The following SNX2 variants were observed in gnomAD, a reference collection of about 807,000 sequenced individuals.
SNX2 encodes the protein sorting nexin-2.
Under a neutral mutation model 69.9 loss-of-function variants are expected in SNX2, and 25 were observed. The observed-to-expected ratio is 0.36, with a 90% CI of 0.26 to 0.50. The LOEUF (loss-of-function observed/expected upper bound fraction) is 0.50, where lower values mean the gene tolerates loss of function less well. SNX2 is among the 20% of genes least tolerant of loss of function. The pLI is 0.97. For synonymous variants in SNX2, 229 were observed against 200.4 expected (o/e 1.14, Z -1.20); for missense variants, 551 against 613.3 (o/e 0.90, Z 1.07).
intron 7 of SNX2, among the ~76,000 whole-genome samples, chr5:122,814,780 C>G (rs1262750838): frequency 1.6e-5 from 1 of 63,128 alleles, no homozygotes; most frequent in African/African-American, 8.7e-5. Context: ...GACGGAGTTT[C>G]ACTCTGTCAC....
In SNX2 at chr5:122,779,662, C is replaced by A. The variant is rs191981819; in HGVS notation, c.108+4451C>A. On this transcript the variant is annotated intron_variant, in intron 1 of 14. Coordinates refer to ENST00000379516, the MANE Select transcript of SNX2 (RefSeq NM_003100.4). ...GGAATTGCTGGGTTATGTGGTAACT[C>A]CATGTTTAATCATTTGAAGAGTTGC... Among the ~76,000 whole-genome samples, 54 of 152,274 alleles carry A rather than the reference C, an allele frequency of 3.5e-4. 1 individual carries two copies. Among genetic ancestry groups the A allele is most frequent in the African/African-American group, 1.3e-3 (52 of 41,546 alleles).
rs992440703 is a variant in SNX2 at position 122,799,657 on chromosome 5, A to C, written c.227-35A>C. The C allele has an allele frequency of 1.5e-5, 24 of 1,556,484 alleles. 1 individual carries two copies. The Middle Eastern group carries it at 6.8e-4, about 44-fold the overall frequency. ...GTAGAATATTGGGGGTTTGCTTGCC[A>C]GTGTTCTTAACTAACTTGTTTAATC... On this transcript the variant is annotated intron_variant, in intron 2 of 14. Transcript: ENST00000379516.
At chr5:122,780,571 C>CTTTTTTTTTT (rs761877253) in intron 1 of SNX2, among the ~76,000 whole-genome samples, 2 of 133,328 alleles carry the variant, frequency 1.5e-5, no homozygotes, top group Admixed American at 7.3e-5. Context: ...CTTTTCTTTT[C>CTTTTTTTTTT]TTTTCTTTTT....
chr5:122,829,264 G>A (rs1010922215), intron 14 of SNX2, among the ~76,000 whole-genome samples: 1 of 152,048 alleles, frequency 6.6e-6, no homozygotes, highest in Non-Finnish European at 1.5e-5. Flanking sequence ...GAGTGCAGTG[G>A]TGTGATCTTG....
At chr5:122,789,400 C>G (rs1753166917) in intron 1 of SNX2, among the ~76,000 whole-genome samples, 1 of 151,650 alleles carries the variant, frequency 6.6e-6, no homozygotes, top group African/African-American at 2.4e-5. Flanking sequence ...CCACATTCTT[C>G]AGTTTACAAG....
In SNX2 at chr5:122,818,821, T is replaced by A; in HGVS notation, c.1010T>A (p.Leu337His). ...CATACTTTTTTTTAAATTTCAGAACTTTCAGCCAACACAGCTGCCTTTGCT... is the reference window on the plus strand; with the variant it reads ...CATACTTTTTTTTAAATTTCAGAACATTCAGCCAACACAGCTGCCTTTGCT... The part of the protein sequence containing the change: ...VEALVCHRKE[L>H]SANTAAFAKS... The change falls in exon 11 of 15, where the codon CTT becomes CAT. Residue 337 changes from leucine to histidine, a missense_variant. By Grantham distance (99) the Leu-to-His change is moderately conservative. Coordinates refer to ENST00000379516, the MANE Select transcript of SNX2 (RefSeq NM_003100.4). 2 of 1,610,302 alleles carry A rather than the reference T, an allele frequency of 1.2e-6. No individual in the cohort carries two copies. Among genetic ancestry groups the A allele is most frequent in the Non-Finnish European group, 1.7e-6 (2 of 1,178,784 alleles).
chr5:122,805,290 CA>C (rs767897080), intron 6 of SNX2, among the ~76,000 whole-genome samples: 2,592 of 88,224 alleles, frequency 0.029, 17 homozygotes, highest in Middle Eastern at 0.052. Flanking sequence ...GACTCCATCT[CA>C]AAAAAAAAAA....
intron 6 of SNX2, among the ~76,000 whole-genome samples, chr5:122,804,099 TG>T (rs1753578364): frequency 6.6e-6 from 1 of 151,596 alleles, no homozygotes. Context: ...AGATCACGCC[TG>T]GGCAACAGAG....
chr5:122,823,165 C>G (rs1754061815), intron 11 of SNX2, among the ~76,000 whole-genome samples: 1 of 127,818 alleles, frequency 7.8e-6, no homozygotes, highest in Non-Finnish European at 1.7e-5. Context: ...ACTTATCCCT[C>G]TTATAATGGT....
intron 11 of SNX2, among the ~76,000 whole-genome samples, chr5:122,823,169 T>TG (rs1554064275): frequency 6.6e-6 from 1 of 151,740 alleles, no homozygotes; most frequent in Non-Finnish European, 1.5e-5. Context: ...ATCCCTCTTA[T>TG]AATGGTTCTA....
intron 1 of SNX2, among the ~76,000 whole-genome samples, chr5:122,779,322 C>T (rs1449426418): frequency 6.6e-6 from 1 of 152,096 alleles, no homozygotes; most frequent in Non-Finnish European, 1.5e-5. Flanking sequence ...GCCTTAATTC[C>T]CTCATCCCCT....
Position 122,808,300 on chromosome 5 carries a change from AAAG to A in SNX2, c.672_674del (p.Glu224del). The A allele has an allele frequency of 4.3e-6, 7 of 1,611,432 alleles. No homozygotes were observed. Among genetic ancestry groups the A allele is most frequent in the Non-Finnish European group, 5.9e-6 (7 of 1,178,878 alleles). On this transcript the variant is annotated inframe_deletion, in exon 7 of 15. Coordinates refer to ENST00000379516, the MANE Select transcript of SNX2 (RefSeq NM_003100.4). ...AGGGATGACCAAGGTCAAAGTGGGT[AAAG>A]AAGACTCATCATCCACTGAGTTTGT...
intron 6 of SNX2, among the ~76,000 whole-genome samples, chr5:122,807,286 C>A (rs1447233110): frequency 6.6e-6 from 1 of 152,004 alleles, no homozygotes; most frequent in Non-Finnish European, 1.5e-5. Context: ...AAAGGGTATC[C>A]AGTTCACTGG....
At chr5:122,804,758 A>C (rs1753595820) in intron 6 of SNX2, among the ~76,000 whole-genome samples, 1 of 152,204 alleles carries the variant, frequency 6.6e-6, no homozygotes, top group Non-Finnish European at 1.5e-5. Context: ...CCATTAAAAG[A>C]CATCTGTCAT....
At chr5:122,779,874 C>T (rs1752933468) in intron 1 of SNX2, among the ~76,000 whole-genome samples, 1 of 152,130 alleles carries the variant, frequency 6.6e-6, no homozygotes, top group Non-Finnish European at 1.5e-5. Context: ...TAGGTCTTTT[C>T]CCTAATGCTC....
At chr5:122,827,823 T>G in intron 14 of SNX2, 177 bp downstream of exon 14, 1 of 181,252 alleles carries the variant, frequency 5.5e-6, no homozygotes. Flanking sequence ...TCTCACGTGT[T>G]TTTTTTTTTT....
intron 11 of SNX2, among the ~76,000 whole-genome samples, chr5:122,821,488 C>T (rs1326491094): frequency 2.7e-5 from 4 of 150,714 alleles, no homozygotes; most frequent in Non-Finnish European, 5.9e-5. Context: ...CGGAGACTCG[C>T]TCTGTCGCCC....
chr5:122,806,685 G>A (rs1753666044), intron 6 of SNX2, among the ~76,000 whole-genome samples: 1 of 152,006 alleles, frequency 6.6e-6, no homozygotes, highest in South Asian at 2.1e-4. Context: ...TGGATAGAAG[G>A]TTTTTAACTT....
intron 2 of SNX2, among the ~76,000 whole-genome samples, chr5:122,798,745 C>G (rs1421651426): frequency 6.6e-6 from 1 of 152,106 alleles, no homozygotes; most frequent in Non-Finnish European, 1.5e-5. Flanking sequence ...ATTCCATTAT[C>G]ATGGAATTCT....
Sources: allele counts gnomAD v4.1 joint callset (sites outside exome capture counted in the v4.1 genomes callset), GRCh38; gene constraint gnomAD v4.1.1; transcripts MANE v1.5; gene names NCBI Gene and HGNC (gene_info 2026-07-23, HGNC 2026-07-21).